The following CNTFR variants were observed in gnomAD, a reference collection of about 807,000 sequenced individuals.
CNTFR encodes the protein ciliary neurotrophic factor receptor.
Under a neutral mutation model 40.4 loss-of-function variants are expected in CNTFR, and 12 were observed. That is an observed-to-expected ratio of 0.30 (90% confidence interval 0.19 to 0.48). The LOEUF is 0.48. CNTFR is among the 20% of genes least tolerant of loss of function. The probability of loss-of-function intolerance (pLI) is 0.99; values close to 1 mark genes in which losing one functional copy is unlikely to be tolerated. For missense variants in CNTFR, 414 were observed against 506.8 expected, an observed-to-expected ratio of 0.82 and a Z score of 1.76; for synonymous variants, 202 against 209.6, an observed-to-expected ratio of 0.96 and a Z score of 0.31.
At chr9:34,562,994 T>C (rs1826129772) in intron 4 of CNTFR, among the ~76,000 whole-genome samples, 1 of 152,052 alleles carries the variant, frequency 6.6e-6, no homozygotes, top group African/African-American at 2.4e-5. Flanking sequence ...TGGGTCCTCT[T>C]CTCTCTTCAC....
intron 4 of CNTFR, among the ~76,000 whole-genome samples, chr9:34,559,262 T>A (rs1373503940): frequency 6.6e-6 from 1 of 152,048 alleles, no homozygotes; most frequent in African/African-American, 2.4e-5. Context: ...TGACTCTGTG[T>A]GATTGCGTGT....
intron 2 of CNTFR, among the ~76,000 whole-genome samples, chr9:34,574,160 G>C (rs1249168326): frequency 1.3e-5 from 2 of 152,156 alleles, no homozygotes; most frequent in Non-Finnish European, 2.9e-5. Flanking sequence ...AGGCCGAGGA[G>C]GGAGGCCTGG....
chr9:34,578,224 G>C (rs566458106), intron 2 of CNTFR, among the ~76,000 whole-genome samples: 2 of 152,314 alleles, frequency 1.3e-5, no homozygotes, highest in East Asian at 3.9e-4. Flanking sequence ...GTGAGCGACC[G>C]GGCAAGCGGG....
intron 3 of CNTFR, among the ~76,000 whole-genome samples, chr9:34,568,625 G>A (rs187537015): frequency 1.0e-3 from 154 of 151,842 alleles, no homozygotes; most frequent in Admixed American, 2.6e-3. Context: ...AGCCTCCCCC[G>A]TCAACTCCCA....
intron 1 of CNTFR, among the ~76,000 whole-genome samples, chr9:34,587,256 G>C (rs1353234738): frequency 6.6e-6 from 1 of 152,122 alleles, no homozygotes; most frequent in Non-Finnish European, 1.5e-5. Context: ...TGGTCATAAG[G>C]GCTTCTGAGT....
At chr9:34,571,602 G>C (rs77798131) in intron 2 of CNTFR, among the ~76,000 whole-genome samples, 8,142 of 151,452 alleles carry the variant, frequency 0.054, 350 homozygotes, top group African/African-American at 0.11. Context: ...AGGCCCCCGC[G>C]GGGGGAGGGG....
intron 2 of CNTFR, among the ~76,000 whole-genome samples, chr9:34,576,360 C>G (rs1478704966): frequency 6.6e-6 from 1 of 152,210 alleles, no homozygotes; most frequent in Non-Finnish European, 1.5e-5. Flanking sequence ...AACAGTCAAC[C>G]TTCCACACAG....
At position 34,552,425 on chromosome 9, in the gene CNTFR, A is replaced by C. The variant is rs1825670025; in HGVS notation, c.950-96T>G. On this transcript the variant is annotated intron_variant, in intron 8 of 9. Coordinates refer to ENST00000378980, the MANE Select transcript of CNTFR (RefSeq NM_147164.3). The surrounding 1 kb of genome is among the most constrained non-coding windows in gnomAD (Gnocchi z 5.1). ...CATACCATTCTGCTTCCTGCATCAG[A>C]CTGGTACTGCCTCCCCCATCAGGCA... 7.6e-7 allele frequency: 1 copy of C among 1,316,082 alleles called. No individual in the cohort carries two copies. The highest frequency in any genetic ancestry group is 1.0e-6 in the Non-Finnish European group (1 of 974,044). 81.5% of individuals were successfully genotyped at this position (1,316,082 alleles called of 1,614,324 possible). A position where few individuals can be genotyped will look rare whatever the true frequency, so the allele number is the denominator to read the frequency against.
At chr9:34,586,404 C>T (rs374748380) in intron 1 of CNTFR, among the ~76,000 whole-genome samples, 1 of 152,198 alleles carries the variant, frequency 6.6e-6, no homozygotes, top group South Asian at 2.1e-4. Context: ...ACTTTCTCCC[C>T]ACAGATCTGA....
At chr9:34,562,318 T>C (rs994094139) in intron 4 of CNTFR, among the ~76,000 whole-genome samples, 1 of 152,226 alleles carries the variant, frequency 6.6e-6, no homozygotes, top group Admixed American at 6.5e-5. Context: ...TCTGTTAGGC[T>C]GGTCCTGCAT....
intron 7 of CNTFR, among the ~76,000 whole-genome samples, chr9:34,553,902 C>T (rs1825734511): frequency 6.6e-6 from 1 of 152,128 alleles, no homozygotes; most frequent in South Asian, 2.1e-4. Context: ...CTTTTTTGGT[C>T]CCTGTTCCAA....
Position 34,564,668 on chromosome 9 carries a change from T to TGTGGCCCA in CNTFR, c.242_249dup (p.Ser84TrpfsTer63). ...CGGTGGAAGCAGGCGTAGAGGCCAC[T>TGTGGCCCA]GTGGCCCAGTTCCAGGCCATGGAGC... is the stretch of plus-strand genomic sequence containing the variant. On this transcript the variant is annotated frameshift_variant, in exon 4 of 10. Coordinates refer to ENST00000378980, the MANE Select transcript of CNTFR (RefSeq NM_147164.3). LOFTEE classifies it high-confidence loss of function. The TGTGGCCCA allele has an allele frequency of 6.2e-7, 1 of 1,613,642 alleles. No homozygotes were observed. Among genetic ancestry groups the TGTGGCCCA allele is most frequent in the Non-Finnish European group, 8.5e-7 (1 of 1,179,862 alleles).
intron 1 of CNTFR, among the ~76,000 whole-genome samples, chr9:34,583,666 C>T (rs563727262): frequency 6.6e-6 from 1 of 151,872 alleles, no homozygotes; most frequent in Non-Finnish European, 1.5e-5. Context: ...GAATCAGCTG[C>T]GGGGTTGTGC....
At chr9:34,577,152 A>G (rs915936594) in intron 2 of CNTFR, among the ~76,000 whole-genome samples, 2 of 152,208 alleles carry the variant, frequency 1.3e-5, no homozygotes, top group Non-Finnish European at 1.5e-5. Context: ...GGAGGAGTAG[A>G]CGCGGAGTCG....
In CNTFR at chr9:34,552,886, C is replaced by A; in HGVS notation, c.769-32G>T. ...CCAGACCATGGGGTGGGGGTAAGGA[C>A]ACACCTGGGGGCCAGGAGGGTGAGG... On this transcript the variant is annotated intron_variant, in intron 7 of 9. Transcript: ENST00000378980. The surrounding 1 kb of genome is among the most constrained non-coding windows in gnomAD (Gnocchi z 5.1). 1 of 1,601,694 alleles carries A rather than the reference C, an allele frequency of 6.2e-7. No homozygotes were observed.
chr9:34,582,601 G>C (rs115329630), intron 1 of CNTFR: 1 of 152,176 alleles, frequency 6.6e-6, no homozygotes, highest in Non-Finnish European at 1.5e-5. Flanking sequence ...GGGATTCCAT[G>C]TCTTCCAATC....
Position 34,552,175 on chromosome 9 carries a change from G to A in CNTFR, c.1104C>T (p.Ser368=), listed in dbSNP as rs1030987329. The change falls in exon 9 of 10, where the codon AGC becomes AGT. Residue 368 remains serine (S), a synonymous_variant. Coordinates refer to ENST00000378980, the MANE Select transcript of CNTFR (RefSeq NM_147164.3). The surrounding 1 kb of genome is among the most constrained non-coding windows in gnomAD (Gnocchi z 5.1). ...ACTCAACCTACCAGATCAAGAGACT[G>A]CTGGCAGTGGCGGCAGCGGCAGCCA... is the stretch of plus-strand genomic sequence containing the variant. ...LALAAAAATA[S]SLLI is the part of the protein sequence containing the mutation. The A allele has an allele frequency of 8.1e-6, 13 of 1,597,328 alleles. No individual in the cohort carries two copies. The highest frequency in any genetic ancestry group is 6.9e-5 in the Admixed American group (4 of 57,568).
At chr9:34,581,913 T>C (rs751302635) in intron 1 of CNTFR, among the ~76,000 whole-genome samples, 1 of 152,246 alleles carries the variant, frequency 6.6e-6, no homozygotes, top group Non-Finnish European at 1.5e-5. Flanking sequence ...TATCACTTGT[T>C]CAGGGTCCTT....
At chr9:34,581,348 G>A (rs1319820020) in intron 1 of CNTFR, 143 bp from the exon 2 acceptor site, 1 of 152,444 alleles carries the variant, frequency 6.6e-6, no homozygotes, top group African/African-American at 2.4e-5. Context: ...AAGAAGAAAA[G>A]TTGAGAGTAA....
Sources: gnomAD v4.1 joint callset for allele counts (sites outside exome capture counted in the v4.1 genomes callset) on GRCh38, gnomAD v4.1.1 for gene constraint, Gnocchi (gnomAD v3.1) non-coding constraint, MANE v1.5 for transcripts, NCBI Gene and HGNC (gene_info 2026-07-23, HGNC 2026-07-21) for gene names.